Variants in SIK3 observed in about 807,000 individuals in gnomAD.
The protein encoded by SIK3 is serine/threonine-protein kinase SIK3.
A neutral mutation model predicts 144.2 loss-of-function variants in SIK3; 28 were observed. That is an observed-to-expected ratio of 0.19 (90% CI 0.14 to 0.27). SIK3 has a LOEUF of 0.27. Ranked by LOEUF, SIK3 falls within the 10% of genes least tolerant of loss-of-function variation. The pLI is 1.00. For missense variants in SIK3, 1,319 were observed against 1,776.0 expected (o/e 0.74, Z 4.62); for synonymous variants, 686 against 676.3 (o/e 1.01, Z -0.22).
intron 15 of SIK3, among the ~76,000 whole-genome samples, chr11:116,866,594 G>A (rs559723744): frequency 5.3e-4 from 80 of 152,050 alleles, no homozygotes; most frequent in South Asian, 5.2e-3. Flanking sequence ...GACGCCCACC[G>A]CCACACCCGG....
chr11:116,848,214 G>A (rs1942149967), intron 22 of SIK3, among the ~76,000 whole-genome samples: 1 of 120,106 alleles, frequency 8.3e-6, no homozygotes, highest in South Asian at 2.6e-4. Flanking sequence ...AAAAAGGGTG[G>A]CGGGCGCCTG....
chr11:116,916,986 G>A (rs144307731), intron 4 of SIK3, among the ~76,000 whole-genome samples: 83 of 151,328 alleles, frequency 5.5e-4, no homozygotes, highest in Middle Eastern at 3.4e-3. Flanking sequence ...ACAGGGTCTC[G>A]CTCTGTCGCC....
At chr11:116,983,070 AT>A (rs1324239274) in intron 1 of SIK3, among the ~76,000 whole-genome samples, 4 of 152,038 alleles carry the variant, frequency 2.6e-5, no homozygotes, top group African/African-American at 7.2e-5. Flanking sequence ...AAATTGAAAT[AT>A]AAAAAATTAG....
chr11:116,973,602 G>A (rs775478357), intron 1 of SIK3, among the ~76,000 whole-genome samples: 1 of 152,010 alleles, frequency 6.6e-6, no homozygotes, highest in Non-Finnish European at 1.5e-5. Flanking sequence ...CATTATGAAA[G>A]GGGGGGAAAG....
At position 117,075,840 on chromosome 11, in the gene SIK3, CTTTTTTTTTTTTTTT is replaced by C; in HGVS notation, c.273+22288_273+22302del. The stretch of plus-strand genomic sequence containing the variant: ...TATAGGCGTGAGCCACCAAGCCTGG[CTTTTTTTTTTTTTTT>C]TTTTTTTTTTTGAGACAGTTTTTTG... On this transcript the variant is annotated intron_variant, in intron 1 of 24. Coordinates refer to ENST00000445177, the MANE Select transcript of SIK3 (RefSeq NM_001366686.3). Among the ~76,000 whole-genome samples the C allele has an allele frequency of 9.8e-5, 4 of 40,918 alleles. No individual in the cohort carries two copies. The South Asian group carries it at 4.0e-3, about 41-fold the overall frequency. 26.8% of individuals were successfully genotyped at this position (40,918 alleles called of 152,430 possible). A position where few individuals can be genotyped will look rare whatever the true frequency, so the allele number is the denominator to read the frequency against.
chr11:117,056,210 T>G (rs1953510776), intron 1 of SIK3, among the ~76,000 whole-genome samples: 3 of 152,116 alleles, frequency 2.0e-5, no homozygotes, highest in Admixed American at 1.3e-4. Context: ...AAAGGATGAG[T>G]TCATGTCCTT....
At chr11:116,899,655 C>T (rs113366528) in intron 4 of SIK3, among the ~76,000 whole-genome samples, 79 of 152,244 alleles carry the variant, frequency 5.2e-4, no homozygotes, top group Middle Eastern at 3.4e-3. Context: ...TGCTACAAGA[C>T]GCAGCAGATG....
At chr11:116,927,429 AT>A in intron 3 of SIK3, 49 bp from the exon 4 acceptor site, 1 of 1,583,782 alleles carries the variant, frequency 6.3e-7, no homozygotes, top group Non-Finnish European at 8.6e-7. Flanking sequence ...CACTTGTGTA[AT>A]TTCAAAAGGT....
At chr11:116,935,730 A>T (rs1036632543) in intron 3 of SIK3, among the ~76,000 whole-genome samples, 2 of 152,238 alleles carry the variant, frequency 1.3e-5, no homozygotes, top group African/African-American at 4.8e-5. Context: ...CTCCAAGTCA[A>T]CAGAGGTACC....
rs567759410 is a variant in SIK3, at chr11:116,964,178, T to C, written c.274-7114A>G. On this transcript the variant is annotated intron_variant, in intron 1 of 24. Transcript: ENST00000445177. The stretch of plus-strand genomic sequence containing the variant: ...GACACACCACCACACCTGGATAATA[T>C]ATATTTTTTAATTTTCTGTAGCAAC... Among the ~76,000 whole-genome samples the C allele has an allele frequency of 2.7e-4, 41 of 152,138 alleles. No homozygotes were observed. In the South Asian group the frequency reaches 7.1e-3, roughly 26 times the overall value.
At chr11:117,097,114 C>T (rs1565640760) in intron 1 of SIK3, among the ~76,000 whole-genome samples, 1 of 152,154 alleles carries the variant, frequency 6.6e-6, no homozygotes, top group African/African-American at 2.4e-5. Context: ...CCAGTCCTCC[C>T]AACGAAGGCT....
intron 1 of SIK3, among the ~76,000 whole-genome samples, chr11:116,976,330 G>A (rs1252117468): frequency 6.6e-6 from 1 of 152,192 alleles, no homozygotes; most frequent in Non-Finnish European, 1.5e-5. Context: ...CTTCATAAAT[G>A]TGAGAGCTAA....
At chr11:117,074,392 A>T (rs1954412484) in intron 1 of SIK3, among the ~76,000 whole-genome samples, 1 of 152,150 alleles carries the variant, frequency 6.6e-6, no homozygotes, top group Non-Finnish European at 1.5e-5. Context: ...AGATACTCAA[A>T]TAGGAGTCAG....
At chr11:117,086,583 T>C (rs372974819) in intron 1 of SIK3, among the ~76,000 whole-genome samples, 343 of 151,056 alleles carry the variant, frequency 2.3e-3, no homozygotes, top group African/African-American at 8.0e-3. Context: ...CCCAGCTACC[T>C]GGGAGGCTGA....
chr11:117,033,985 C>A (rs533055120), intron 1 of SIK3, among the ~76,000 whole-genome samples: 111 of 151,980 alleles, frequency 7.3e-4, no homozygotes, highest in Non-Finnish European at 1.4e-3. Context: ...GAAAAATAAT[C>A]CCACGTTCTT....
chr11:117,013,972 CTTTTTTTT>C (rs71037442), intron 1 of SIK3, among the ~76,000 whole-genome samples: 3 of 27,044 alleles, frequency 1.1e-4, no homozygotes, highest in Admixed American at 6.2e-4. Context: ...TTTTTCTTTT[CTTTTTTTT>C]TTTTTTTTTT....
At chr11:117,052,116 G>A (rs1332604122) in intron 1 of SIK3, among the ~76,000 whole-genome samples, 1 of 151,952 alleles carries the variant, frequency 6.6e-6, no homozygotes, top group Non-Finnish European at 1.5e-5. Flanking sequence ...ACTCGACTGG[G>A]CAACAAGAGT....
chr11:116,897,380 T>G, intron 4 of SIK3, 63 bp from the exon 5 acceptor site: 1 of 1,395,410 alleles, frequency 7.2e-7, no homozygotes. Flanking sequence ...GAGCAAACAC[T>G]AGTCTCTAGT....
chr11:117,037,242 A>G (rs1042243058), intron 1 of SIK3, among the ~76,000 whole-genome samples: 1 of 152,206 alleles, frequency 6.6e-6, no homozygotes, highest in East Asian at 1.9e-4. Flanking sequence ...AAAGATTCTG[A>G]GAGTTAGGAA....
Sources: allele counts gnomAD v4.1 joint callset (sites outside exome capture counted in the v4.1 genomes callset), GRCh38; gene constraint gnomAD v4.1.1; transcripts MANE v1.5; gene names NCBI Gene and HGNC (gene_info 2026-07-23, HGNC 2026-07-21).